The following CHN1 variants were observed in gnomAD, a reference collection of about 807,000 sequenced individuals.
CHN1 encodes N-chimaerin.
A neutral mutation model predicts 59.5 loss-of-function variants in CHN1; 37 were observed. That is an observed-to-expected ratio of 0.62 (90% CI 0.48 to 0.82). The LOEUF (loss-of-function observed/expected upper bound fraction) is 0.82, where lower values mean the gene tolerates loss of function less well. CHN1 is among the 40% of genes least tolerant of loss of function. The pLI, the probability that CHN1 is intolerant of heterozygous loss-of-function variation, is 0.00. For synonymous variants in CHN1, 206 were observed against 200.4 expected (o/e 1.03, Z -0.24); for missense variants, 469 against 571.0 (o/e 0.82, Z 1.82).
intron 1 of CHN1, among the ~76,000 whole-genome samples, chr2:174,992,234 C>T (rs116757255): frequency 1.7e-3 from 263 of 152,274 alleles, no homozygotes; most frequent in African/African-American, 6.0e-3. Flanking sequence ...GAATGTGGGG[C>T]TGGAACATGT....
intron 3 of CHN1, among the ~76,000 whole-genome samples, chr2:174,932,718 C>A (rs914992800): frequency 1.3e-5 from 2 of 152,058 alleles, no homozygotes; most frequent in Non-Finnish European, 2.9e-5. Flanking sequence ...AGAGTTCTCA[C>A]GAGATTTGGT....
rs954929353 is a variant in CHN1 at position 174,990,233 on chromosome 2, CTGTGTG to C, written c.19+14655_19+14660del. Among the ~76,000 whole-genome samples, 746 of 116,054 alleles carry C rather than the reference CTGTGTG, an allele frequency of 6.4e-3. 14 individuals carry two copies. Among genetic ancestry groups the C allele is most frequent in the African/African-American group, 0.023 (684 of 29,960 alleles). 76.1% of individuals were successfully genotyped at this position (116,054 alleles called of 152,430 possible). The stretch of plus-strand genomic sequence containing the variant: ...TGCGGGGTGTGTGTGTGTGGTGTGT[CTGTGTG>C]TGTGTGTGTGTGTGTGTGTGTGTGA... On this transcript the variant is annotated intron_variant, in intron 1 of 12. Transcript: ENST00000409900.
At chr2:174,916,234 A>G (rs567036228) in intron 4 of CHN1, among the ~76,000 whole-genome samples, 10 of 152,214 alleles carry the variant, frequency 6.6e-5, no homozygotes, top group African/African-American at 2.4e-4. Flanking sequence ...ATGGCCAGAA[A>G]CTTCCCTCCC....
intron 7 of CHN1, among the ~76,000 whole-genome samples, chr2:174,825,220 C>A (rs1384939574): frequency 1.3e-5 from 2 of 152,108 alleles, no homozygotes; most frequent in African/African-American, 4.8e-5. Flanking sequence ...AGGAATTTTG[C>A]AGATAATTTA....
intron 1 of CHN1, among the ~76,000 whole-genome samples, chr2:174,952,880 T>C (rs921897228): frequency 8.6e-5 from 13 of 151,858 alleles, no homozygotes; most frequent in Non-Finnish European, 1.3e-4. Context: ...AAATAGGAAG[T>C]GGAAAGAGAT....
intron 8 of CHN1, among the ~76,000 whole-genome samples, chr2:174,817,141 T>C (rs2105390886): frequency 6.6e-6 from 1 of 152,326 alleles, no homozygotes; most frequent in South Asian, 2.1e-4. Context: ...ATATTTTCCA[T>C]TATTGAAGAT....
intron 3 of CHN1, among the ~76,000 whole-genome samples, chr2:174,921,303 T>G (rs1689009691): frequency 6.6e-6 from 1 of 152,118 alleles, no homozygotes; most frequent in South Asian, 2.1e-4. Context: ...ATAGATACAT[T>G]TTTTCCTGCA....
At chr2:174,954,667 C>A (rs1690129466) in intron 1 of CHN1, among the ~76,000 whole-genome samples, 1 of 151,968 alleles carries the variant, frequency 6.6e-6, no homozygotes, top group Admixed American at 6.6e-5. Flanking sequence ...AGATGATATA[C>A]AAATAGTCAA....
intron 5 of CHN1, among the ~76,000 whole-genome samples, chr2:174,884,161 C>T (rs1180087831): frequency 2.6e-5 from 4 of 151,340 alleles, no homozygotes; most frequent in African/African-American, 4.9e-5. Flanking sequence ...TTAGTAGAGA[C>T]GGGGTTTCAC....
chr2:174,817,464 A>ATTT (rs776503923), intron 8 of CHN1, among the ~76,000 whole-genome samples: 3 of 139,866 alleles, frequency 2.1e-5, no homozygotes, highest in Non-Finnish European at 3.1e-5. Context: ...TCATCCCCCA[A>ATTT]TTTTTTTTTT....
intron 7 of CHN1, among the ~76,000 whole-genome samples, chr2:174,842,604 G>A (rs1302573968): frequency 6.6e-6 from 1 of 152,096 alleles, no homozygotes; most frequent in Non-Finnish European, 1.5e-5. Flanking sequence ...TGAACCAAAT[G>A]AAGACCAAAG....
chr2:174,809,126 AG>A, intron 10 of CHN1, 84 bp from the exon 11 acceptor site: 2 of 1,190,474 alleles, frequency 1.7e-6, no homozygotes, highest in Non-Finnish European at 2.3e-6. Flanking sequence ...TATACAAATC[AG>A]ATTTTAAAGA....
chr2:174,960,821 C>CA (rs546458734), intron 1 of CHN1, among the ~76,000 whole-genome samples: 3 of 151,304 alleles, frequency 2.0e-5, no homozygotes, highest in African/African-American at 4.9e-5. Context: ...GACTCCGTCT[C>CA]AAAAAAAATG....
intron 5 of CHN1, among the ~76,000 whole-genome samples, chr2:174,900,811 A>C (rs1231691630): frequency 6.6e-6 from 1 of 152,156 alleles, no homozygotes; most frequent in African/African-American, 2.4e-5. Flanking sequence ...ATCTCAAAAA[A>C]AAAAAAAGTA....
At chr2:174,801,569 A>G (rs767439693) in intron 12 of CHN1, 138 bp downstream of exon 12, 4 of 592,538 alleles carry the variant, frequency 6.8e-6, no homozygotes, top group Non-Finnish European at 1.2e-5. Flanking sequence ...CAACTAGTGC[A>G]ATTTCACAAA....
At chr2:174,853,120 G>A (rs145989912) in intron 6 of CHN1, among the ~76,000 whole-genome samples, 1 of 152,240 alleles carries the variant, frequency 6.6e-6, no homozygotes, top group Non-Finnish European at 1.5e-5. Flanking sequence ...AAGAGCTTGT[G>A]CACAGCAAAA....
intron 1 of CHN1, among the ~76,000 whole-genome samples, chr2:174,968,638 TGAAA>T (rs1690663638): frequency 6.6e-6 from 1 of 152,218 alleles, no homozygotes; most frequent in Non-Finnish European, 1.5e-5. Context: ...AACCAGAATA[TGAAA>T]GATCTGGGGC....
chr2:174,879,364 T>C (rs1240994944), intron 5 of CHN1, among the ~76,000 whole-genome samples: 3 of 152,226 alleles, frequency 2.0e-5, no homozygotes, highest in Admixed American at 6.5e-5. Flanking sequence ...TAGACTTTAA[T>C]AACAATTTAA....
intron 5 of CHN1, among the ~76,000 whole-genome samples, chr2:174,901,865 C>A: frequency 6.6e-6 from 1 of 151,984 alleles, no homozygotes; most frequent in African/African-American, 2.4e-5. Flanking sequence ...AAGTGAAAAT[C>A]AGAATTTTTA....
Sources: allele counts gnomAD v4.1 joint callset (sites outside exome capture counted in the v4.1 genomes callset), GRCh38; gene constraint gnomAD v4.1.1; transcripts MANE v1.5; gene names NCBI Gene and HGNC (gene_info 2026-07-23, HGNC 2026-07-21).